Variants in FAF2 observed in about 807,000 individuals in gnomAD.
FAF2 encodes the protein Fas associated factor family member 2, also known as FAS-associated factor 2.
In FAF2, 9 loss-of-function variants were observed where a neutral mutation model predicts 62.3. The ratio of observed to expected loss-of-function variants is 0.14; its 90% CI spans 0.09 to 0.25. FAF2 has a LOEUF of 0.25. Ranked by LOEUF, FAF2 falls within the 10% of genes least tolerant of loss-of-function variation. FAF2 has a pLI of 1.00. For synonymous variants in FAF2, 202 were observed against 198.0 expected (o/e 1.02, Z -0.17); for missense variants, 368 against 556.2 (o/e 0.66, Z 3.40).
intron 4 of FAF2, among the ~76,000 whole-genome samples, chr5:176,489,724 G>T (rs1362798703): frequency 6.6e-6 from 1 of 152,004 alleles, no homozygotes; most frequent in African/African-American, 2.4e-5. Flanking sequence ...TTTTAGTAGA[G>T]ACAGTAGAGA....
chr5:176,478,666 A>C (rs1317343567), intron 1 of FAF2, among the ~76,000 whole-genome samples: 1 of 152,190 alleles, frequency 6.6e-6, no homozygotes, highest in East Asian at 1.9e-4. Context: ...TGGAACCACA[A>C]GTGTTTCAGA....
At chr5:176,466,073 C>T (rs561348021) in intron 1 of FAF2, among the ~76,000 whole-genome samples, 9 of 152,110 alleles carry the variant, frequency 5.9e-5, no homozygotes, top group Non-Finnish European at 8.8e-5. Flanking sequence ...TTTTATTACA[C>T]GGTAATAGAT....
At chr5:176,476,692 GCA>G (rs1302955989) in intron 1 of FAF2, among the ~76,000 whole-genome samples, 1 of 144,310 alleles carries the variant, frequency 6.9e-6, no homozygotes, top group Admixed American at 7.1e-5. Flanking sequence ...GAGGGCATTG[GCA>G]TGATCTCGGC....
At chr5:176,462,080 C>A (rs1194102051) in intron 1 of FAF2, among the ~76,000 whole-genome samples, 3 of 152,108 alleles carry the variant, frequency 2.0e-5, no homozygotes, top group South Asian at 2.1e-4. Context: ...AATTCGAGAC[C>A]AGCCTGGCCA....
chr5:176,452,085 G>A (rs1758197912), intron 1 of FAF2, among the ~76,000 whole-genome samples: 1 of 149,342 alleles, frequency 6.7e-6, no homozygotes, highest in South Asian at 2.1e-4. Context: ...TGAGACGGAG[G>A]CTTGCTCTGT....
Position 176,460,513 on chromosome 5 carries a change from CGTGTGTGTGTGTGTGTGTGT to C in FAF2, c.63+12064_63+12083del, listed in dbSNP as rs747582699. Among the ~76,000 whole-genome samples, 766 of 132,660 alleles carry C rather than the reference CGTGTGTGTGTGTGTGTGTGT, an allele frequency of 5.8e-3. 6 individuals carry two copies. The highest frequency in any genetic ancestry group is 0.02 in the African/African-American group (697 of 35,466). The allele number at this position is 132,660 out of a possible 152,430, so 87.0% of individuals were successfully genotyped here. A position where few individuals can be genotyped will look rare whatever the true frequency, so the allele number is the denominator to read the frequency against. On this transcript the variant is annotated intron_variant, in intron 1 of 10. Coordinates refer to ENST00000261942, the MANE Select transcript of FAF2 (RefSeq NM_014613.3). ...CAGTGATGTTGACTATTTTTGGCCG[CGTGTGTGTGTGTGTGTGTGT>C]GTGTGTGTGTGTGTGTGTGTATTTT...
chr5:176,507,691 C>A lies in FAF2; in HGVS notation c.*741C>A. On this transcript the variant is annotated 3_prime_UTR_variant, in exon 11 of 11. Coordinates refer to ENST00000261942, the MANE Select transcript of FAF2 (RefSeq NM_014613.3). ...AGAGAGGTCATTCTTTTTGGTCCAACTCTTGCTGTCCTTTCTTACCACCTG... is the reference window on the plus strand; with the variant it reads ...AGAGAGGTCATTCTTTTTGGTCCAAATCTTGCTGTCCTTTCTTACCACCTG... The A allele has an allele frequency of 6.5e-6, 1 of 153,184 alleles. No individual in the cohort carries two copies. Among genetic ancestry groups the A allele is most frequent in the South Asian group, 2.0e-4 (1 of 4,898 alleles). 9.5% of individuals were successfully genotyped at this position (153,184 alleles called of 1,614,324 possible). A position where few individuals can be genotyped will look rare whatever the true frequency, so the allele number is the denominator to read the frequency against.
chr5:176,481,656 C>CA (rs1399294224), intron 2 of FAF2, among the ~76,000 whole-genome samples: 159 of 137,466 alleles, frequency 1.2e-3, no homozygotes, highest in African/African-American at 2.2e-3. Context: ...GACTCTGTCT[C>CA]AAAAAAAAAA....
intron 1 of FAF2, among the ~76,000 whole-genome samples, chr5:176,457,653 G>GGTGTGT (rs34549094): frequency 0.022 from 3,376 of 150,070 alleles, 76 homozygotes; most frequent in Middle Eastern, 0.031. Flanking sequence ...TGTTTTCAGG[G>GGTGTGT]GTGTGTGTGT....
chr5:176,451,827 T>C (rs541007715), intron 1 of FAF2, among the ~76,000 whole-genome samples: 1,983 of 44,474 alleles, frequency 0.045, 376 homozygotes, highest in Admixed American at 0.12. Flanking sequence ...TATATATATA[T>C]ACATATATAT....
At chr5:176,464,615 C>A (rs1422949652) in intron 1 of FAF2, among the ~76,000 whole-genome samples, 2 of 151,332 alleles carry the variant, frequency 1.3e-5, no homozygotes, top group Non-Finnish European at 2.9e-5. Context: ...ACATCAGCCT[C>A]CCAAGTGGCT....
At chr5:176,451,127 T>C (rs1008469328) in intron 1 of FAF2, among the ~76,000 whole-genome samples, 1 of 152,110 alleles carries the variant, frequency 6.6e-6, no homozygotes, top group African/African-American at 2.4e-5. Flanking sequence ...TCCCAGCACT[T>C]TGGGAGGCCG....
rs1326189974 is a variant in FAF2 at position 176,507,569 on chromosome 5, T to G, written c.*619T>G. ...ATAAAGAGCCAATTCTTTAAACCCA[T>G]GAGTTTATGCCCTGGGCTCCTTAGC... is the stretch of plus-strand genomic sequence containing the variant. On this transcript the variant is annotated 3_prime_UTR_variant, in exon 11 of 11. Transcript: ENST00000261942. The G allele has an allele frequency of 6.2e-6, 1 of 162,042 alleles. No homozygotes were observed. Among genetic ancestry groups the G allele is most frequent in the Non-Finnish European group, 1.4e-5 (1 of 73,738 alleles). The allele number at this position is 162,042 out of a possible 1,614,324, so 10.0% of individuals were successfully genotyped here. A position where few individuals can be genotyped will look rare whatever the true frequency, so the allele number is the denominator to read the frequency against.
chr5:176,499,021 A>C lies in FAF2; in HGVS notation c.947A>C (p.Glu316Ala). 1 of 1,613,198 alleles carries C rather than the reference A, an allele frequency of 6.2e-7. No homozygotes were observed. The highest frequency in any genetic ancestry group is 8.5e-7 in the Non-Finnish European group (1 of 1,179,462). The part of the protein sequence containing the change: ...EKERKKREER[E>A]RKRRKEEEVQ... ...GAAAGAAAGAAACGGGAGGAGCGGG[A>C]GCGTAAGCGGCGGAAGGAGGAGGAG... Residue 316 changes from glutamate (E) to alanine (A), a missense_variant, in exon 9 of 11, where the codon GAG becomes GCG. Glu to Ala is a moderately radical substitution (Grantham distance 107). Coordinates refer to ENST00000261942, the MANE Select transcript of FAF2 (RefSeq NM_014613.3).
chr5:176,500,893 G>A lies in FAF2; in HGVS notation c.1155+747G>A, dbSNP rs191489436. Reference sequence around the variant, plus strand: ...TGTAATCCCAGCACTTTGAGAGGCCGAGGTAGGTGGATCATTTGAGGTCAG... The same window carrying A: ...TGTAATCCCAGCACTTTGAGAGGCCAAGGTAGGTGGATCATTTGAGGTCAG... On this transcript the variant is annotated intron_variant, in intron 10 of 10. Coordinates refer to ENST00000261942, the MANE Select transcript of FAF2 (RefSeq NM_014613.3). Among the ~76,000 whole-genome samples, 133 of 152,254 alleles carry A rather than the reference G, an allele frequency of 8.7e-4. 1 individual carries two copies. The South Asian group carries it at 0.015, about 17-fold the overall frequency.
At chr5:176,481,884 CT>C (rs1423250297) in intron 2 of FAF2, among the ~76,000 whole-genome samples, 8 of 152,152 alleles carry the variant, frequency 5.3e-5, no homozygotes, top group Non-Finnish European at 4.4e-5. Flanking sequence ...TAGGAATGGA[CT>C]TTGCTGAGTC....
Position 176,509,969 on chromosome 5 carries a change from G to C in FAF2, c.*3019G>C, listed in dbSNP as rs1755749663. ...CCCCAACTTGTACTGCGCCTGAATA[G>C]TCATGTGATAATTTACTGAAGAAAT... On this transcript the variant is annotated 3_prime_UTR_variant, in exon 11 of 11. Coordinates refer to ENST00000261942, the MANE Select transcript of FAF2 (RefSeq NM_014613.3). 6.6e-6 allele frequency: 1 copy of C among 152,624 alleles called. No homozygotes were observed. Among genetic ancestry groups the C allele is most frequent in the Admixed American group, 6.5e-5 (1 of 15,276 alleles). The allele number at this position is 152,624 out of a possible 1,614,324, so 9.5% of individuals were successfully genotyped here.
chr5:176,507,308 C>A lies in FAF2; in HGVS notation c.*358C>A, dbSNP rs566337721. ...ACATTCCCACTAGTTCTCATTCATTCTTGCTTTTATGAAAAATAAAAGTGA... is the reference window on the plus strand; with the variant it reads ...ACATTCCCACTAGTTCTCATTCATTATTGCTTTTATGAAAAATAAAAGTGA... On this transcript the variant is annotated 3_prime_UTR_variant, in exon 11 of 11. Coordinates refer to ENST00000261942, the MANE Select transcript of FAF2 (RefSeq NM_014613.3). 3.3e-5 allele frequency: 15 copies of A among 454,272 alleles called. No individual in the cohort carries two copies. The highest frequency in any genetic ancestry group is 2.2e-4 in the South Asian group (14 of 63,974). The allele number at this position is 454,272 out of a possible 1,614,324, so 28.1% of individuals were successfully genotyped here.
chr5:176,488,850 C>A, intron 3 of FAF2, 101 bp from the exon 4 acceptor site: 1 of 883,258 alleles, frequency 1.1e-6, no homozygotes, highest in Non-Finnish European at 1.9e-6. Context: ...AGGAACAAAT[C>A]ACATGGAAGG....
Sources: allele counts gnomAD v4.1 joint callset (sites outside exome capture counted in the v4.1 genomes callset), GRCh38; gene constraint gnomAD v4.1.1; transcripts MANE v1.5; gene names NCBI Gene and HGNC (gene_info 2026-07-23, HGNC 2026-07-21).